The following STK31 variants were observed in gnomAD, a reference collection of about 807,000 sequenced individuals.
The protein encoded by STK31 is serine/threonine-protein kinase 31.
In STK31, 89 loss-of-function variants were observed where a neutral mutation model predicts 129.7. The ratio of observed to expected loss-of-function variants is 0.69; its 90% confidence interval spans 0.58 to 0.82. STK31 has a LOEUF of 0.82. Ranked by LOEUF, STK31 falls within the 40% of genes least tolerant of loss-of-function variation. The pLI is 0.00. For missense variants in STK31, 1,187 were observed against 1,176.4 expected (o/e 1.01, Z -0.13); for synonymous variants, 448 against 395.3 (o/e 1.13, Z -1.58).
At chr7:23,779,393 A>G (rs1790766328) in intron 15 of STK31, among the ~76,000 whole-genome samples, 1 of 152,222 alleles carries the variant, frequency 6.6e-6, no homozygotes, top group Non-Finnish European at 1.5e-5. Flanking sequence ...TGCTCTCTTC[A>G]GAGCTGGCAG....
At chr7:23,790,292 GA>G (rs1236408191) in intron 21 of STK31, among the ~76,000 whole-genome samples, 3 of 152,050 alleles carry the variant, frequency 2.0e-5, no homozygotes, top group African/African-American at 7.2e-5. Context: ...TTTAAAAATG[GA>G]CAAAAAAGAG....
At chr7:23,714,137 G>T (rs571849023) in intron 3 of STK31, among the ~76,000 whole-genome samples, 142 of 152,234 alleles carry the variant, frequency 9.3e-4, no homozygotes, top group African/African-American at 3.4e-3. Context: ...ATGTCACTAT[G>T]TGGGGCATGG....
chr7:23,733,848 T>A (rs182933432), intron 6 of STK31, among the ~76,000 whole-genome samples: 2 of 152,084 alleles, frequency 1.3e-5, no homozygotes, highest in East Asian at 3.9e-4. Context: ...CCCAATGAAA[T>A]AATTTTTTTT....
At chr7:23,730,874 A>AT (rs1460221456) in intron 6 of STK31, among the ~76,000 whole-genome samples, 713 of 59,656 alleles carry the variant, frequency 0.012, 19 homozygotes, top group Middle Eastern at 0.033. Context: ...ATATATATAT[A>AT]TATATTTTTT....
At chr7:23,831,879 C>T (rs577926652) in intron 23 of STK31, among the ~76,000 whole-genome samples, 6 of 152,246 alleles carry the variant, frequency 3.9e-5, no homozygotes, top group African/African-American at 1.4e-4. Context: ...CAGGTGATTC[C>T]CCCCACCACG....
chr7:23,743,246 G>A lies in STK31; in HGVS notation c.1017+6168G>A, dbSNP rs185343043. Among the ~76,000 whole-genome samples the A allele has an allele frequency of 1.7e-3, 257 of 152,178 alleles. 6 individuals carry two copies. The highest frequency in any genetic ancestry group is 0.013 in the Admixed American group (194 of 15,278). On this transcript the variant is annotated intron_variant, in intron 8 of 23. Transcript: ENST00000355870. ...TGGGATTACAGGCGTGAGCCACTGC[G>A]TCCAGCTGGGTTTTTAACTTTCATG...
chr7:23,797,292 C>A (rs35483416), intron 22 of STK31, among the ~76,000 whole-genome samples: 3,733 of 152,220 alleles, frequency 0.025, 86 homozygotes, highest in African/African-American at 0.061. Flanking sequence ...AACTCTCCAC[C>A]CCAAATCAAC....
chr7:23,804,227 TTATTC>T (rs1343483857), intron 22 of STK31, among the ~76,000 whole-genome samples: 4 of 152,162 alleles, frequency 2.6e-5, no homozygotes, highest in African/African-American at 9.7e-5. Context: ...CCCCTTTTAT[TTATTC>T]AGAGACACAT....
Position 23,771,628 on chromosome 7 carries a change from T to C in STK31, c.1833+504T>C, listed in dbSNP as rs188999872. 4 of 153,112 alleles carry C rather than the reference T, an allele frequency of 2.6e-5. No individual in the cohort carries two copies. In the East Asian group the frequency reaches 7.7e-4, roughly 29 times the overall value. The allele number at this position is 153,112 out of a possible 1,614,324, so 9.5% of individuals were successfully genotyped here. Reference sequence around the variant, plus strand: ...CTAAATCCTCATCCCTATGTAGATGTACAACAACATTAACCTTTCATGTGT... The same window carrying C: ...CTAAATCCTCATCCCTATGTAGATGCACAACAACATTAACCTTTCATGTGT... On this transcript the variant is annotated intron_variant, in intron 14 of 23. Coordinates refer to ENST00000355870, the MANE Select transcript of STK31 (RefSeq NM_031414.5).
At chr7:23,763,239 AGT>A (rs1321008461) in intron 11 of STK31, among the ~76,000 whole-genome samples, 2 of 152,094 alleles carry the variant, frequency 1.3e-5, no homozygotes, top group Non-Finnish European at 2.9e-5. Context: ...CAGAAAATGT[AGT>A]AGGACCACAT....
intron 23 of STK31, among the ~76,000 whole-genome samples, chr7:23,827,516 T>G (rs540517991): frequency 1.3e-5 from 2 of 152,308 alleles, no homozygotes; most frequent in African/African-American, 4.8e-5. Context: ...TTTCAAAGTT[T>G]TTAACTTCTT....
chr7:23,712,351 C>A, intron 3 of STK31, 65 bp downstream of exon 3: 1 of 1,470,624 alleles, frequency 6.8e-7, no homozygotes, highest in Non-Finnish European at 9.5e-7. Flanking sequence ...CCAACAAAAA[C>A]AAAAATAAAA....
intron 8 of STK31, among the ~76,000 whole-genome samples, chr7:23,738,353 C>G (rs1787843182): frequency 6.6e-6 from 1 of 151,934 alleles, no homozygotes. Context: ...AGAAGCTCCC[C>G]AAATCTCATT....
At position 23,779,363 on chromosome 7, in the gene STK31, C is replaced by T. The variant is rs528203095; in HGVS notation, c.1966-2056C>T. On this transcript the variant is annotated intron_variant, in intron 15 of 23. Coordinates refer to ENST00000355870, the MANE Select transcript of STK31 (RefSeq NM_031414.5). ...AGTCTGTCCCTTAGCAGAGCTCGAG[C>T]ACTGTGCTGGGAGATCCGCTGCTCT... Among the ~76,000 whole-genome samples, 3 of 152,288 alleles carry T rather than the reference C, an allele frequency of 2.0e-5. No homozygotes were observed. In the South Asian group the frequency reaches 6.2e-4, roughly 32 times the overall value.
At position 23,786,934 on chromosome 7, in the gene STK31, A is replaced by G. The variant is rs186445394; in HGVS notation, c.2487+10A>G. 59 of 1,610,556 alleles carry G rather than the reference A, an allele frequency of 3.7e-5. No individual in the cohort carries two copies. In the African/African-American group the frequency reaches 6.4e-4, roughly 17 times the overall value. ...GCCTTTAAATTCAGAAGTAAGTAAAAAGCACTATTTATTTCCATGGATGTA... is the reference window on the plus strand; with the variant it reads ...GCCTTTAAATTCAGAAGTAAGTAAAGAGCACTATTTATTTCCATGGATGTA... On this transcript the variant is annotated intron_variant, in intron 20 of 23. Coordinates refer to ENST00000355870, the MANE Select transcript of STK31 (RefSeq NM_031414.5).
chr7:23,762,735 C>G (rs1035883532), intron 10 of STK31, 66 bp from the exon 11 acceptor site: 1 of 1,557,468 alleles, frequency 6.4e-7, no homozygotes, highest in Non-Finnish European at 8.6e-7. Context: ...CACTTTTTTT[C>G]ATATAGGTCA....
chr7:23,813,078 C>CTTTTTTTTTTTT (rs70956924), intron 22 of STK31, among the ~76,000 whole-genome samples: 79 of 94,096 alleles, frequency 8.4e-4, no homozygotes, highest in Non-Finnish European at 1.1e-3. Context: ...GCTCTCTGTT[C>CTTTTTTTTTTTT]TTTTTTTTTT....
chr7:23,809,693 A>G (rs1792963318), intron 22 of STK31, among the ~76,000 whole-genome samples: 1 of 152,200 alleles, frequency 6.6e-6, no homozygotes, highest in South Asian at 2.1e-4. Context: ...TCAAATCTAC[A>G]TTGTTCAAGG....
intron 8 of STK31, among the ~76,000 whole-genome samples, chr7:23,740,289 A>G (rs1468707031): frequency 1.3e-5 from 2 of 151,726 alleles, no homozygotes; most frequent in Admixed American, 6.6e-5. Context: ...CACTGAAGCC[A>G]TTTTTTTTCT....
Sources: allele counts gnomAD v4.1 joint callset (sites outside exome capture counted in the v4.1 genomes callset), GRCh38; gene constraint gnomAD v4.1.1; transcripts MANE v1.5; gene names NCBI Gene and HGNC (gene_info 2026-07-23, HGNC 2026-07-21).